MRPL50: variants seen among roughly 807,000 people sequenced by gnomAD.
The protein encoded by MRPL50 is mitochondrial ribosomal protein L50, also known as large ribosomal subunit protein mL50.
MRPL50 carries 10 observed loss-of-function variants against 16.2 expected under a neutral mutation model. That is an observed-to-expected ratio of 0.62 (90% CI 0.38 to 1.05). The LOEUF is 1.05. Ranked by LOEUF, MRPL50 falls within the 50% of genes least tolerant of loss-of-function variation. The pLI is 0.01. For synonymous variants in MRPL50, 68 were observed against 66.8 expected (o/e 1.02, Z -0.09); for missense variants, 213 against 187.1 (o/e 1.14, Z -0.81).
At position 101,387,658 on chromosome 9, in the gene MRPL50, G is replaced by A. The variant is rs935128456; in HGVS notation, c.*2808C>T. 2.0e-5 allele frequency: 3 copies of A among 151,920 alleles called. No individual in the cohort carries two copies. The highest frequency in any genetic ancestry group is 6.6e-5 in the Admixed American group (1 of 15,232). The allele number at this position is 151,920 out of a possible 1,614,324, so 9.4% of individuals were successfully genotyped here. A position where few individuals can be genotyped will look rare whatever the true frequency, so the allele number is the denominator to read the frequency against. Reference sequence around the variant, plus strand: ...GAAAGGAGGGAGGAGTTTATTTTATGCAGTTTAAAACATATATTACATATG... The same window carrying A: ...GAAAGGAGGGAGGAGTTTATTTTATACAGTTTAAAACATATATTACATATG... On this transcript the variant is annotated 3_prime_UTR_variant, in exon 2 of 2. Transcript: ENST00000374865.
chr9:101,398,420 C>A lies in MRPL50; in HGVS notation c.92+81G>T. On this transcript the variant is annotated intron_variant, in intron 1 of 1. Transcript: ENST00000374865. Reference sequence around the variant, plus strand: ...CTGATCAGGCGCGGGACCACGATGGCGTAACACTCTATTTTGAATTCGTCC... The same window carrying A: ...CTGATCAGGCGCGGGACCACGATGGAGTAACACTCTATTTTGAATTCGTCC... 7 of 1,343,366 alleles carry A rather than the reference C, an allele frequency of 5.2e-6. No homozygotes were observed. In the South Asian group the frequency reaches 7.2e-5, roughly 14 times the overall value. 83.2% of individuals were successfully genotyped at this position (1,343,366 alleles called of 1,614,324 possible).
In MRPL50 at chr9:101,389,728, C is replaced by T. The variant is rs1262046767; in HGVS notation, c.*738G>A. ...CATTAAAGCACAAAGACTTGCCACT[C>T]TAGTGAATACTCAGCACCACTTTTT... On this transcript the variant is annotated 3_prime_UTR_variant, in exon 2 of 2. Coordinates refer to ENST00000374865, the MANE Select transcript of MRPL50 (RefSeq NM_019051.3). 1 of 254,510 alleles carries T rather than the reference C, an allele frequency of 3.9e-6. No individual in the cohort carries two copies. The highest frequency in any genetic ancestry group is 7.6e-6 in the Non-Finnish European group (1 of 132,066). The allele number at this position is 254,510 out of a possible 1,614,324, so 15.8% of individuals were successfully genotyped here.
At position 101,388,422 on chromosome 9, in the gene MRPL50, T is replaced by A. The variant is rs1830228162; in HGVS notation, c.*2044A>T. ...GTCTCTGGATCAGAAGGAAAAATTG[T>A]ATAGAAAATGAGATAATGAAATCCT... On this transcript the variant is annotated 3_prime_UTR_variant, in exon 2 of 2. Coordinates refer to ENST00000374865, the MANE Select transcript of MRPL50 (RefSeq NM_019051.3). 6.6e-6 allele frequency: 1 copy of A among 152,082 alleles called. No homozygotes were observed. Among genetic ancestry groups the A allele is most frequent in the South Asian group, 2.1e-4 (1 of 4,824 alleles). The allele number at this position is 152,082 out of a possible 1,614,324, so 9.4% of individuals were successfully genotyped here.
intron 1 of MRPL50, among the ~76,000 whole-genome samples, chr9:101,398,144 A>G (rs538267479): frequency 3.3e-5 from 5 of 152,352 alleles, no homozygotes; most frequent in African/African-American, 9.6e-5. Context: ...CTTGTGAAGA[A>G]ACACAGCCGG....
chr9:101,392,243 AC>A (rs1264317644), intron 1 of MRPL50, among the ~76,000 whole-genome samples: 1 of 152,034 alleles, frequency 6.6e-6, no homozygotes. Context: ...CTAAAGATGT[AC>A]CTTAAATTAG....
chr9:101,395,086 C>CA (rs1168165530), intron 1 of MRPL50, among the ~76,000 whole-genome samples: 5 of 151,514 alleles, frequency 3.3e-5, no homozygotes, highest in East Asian at 3.9e-4. Context: ...GTAACAACAA[C>CA]AAAAAAAACC....
chr9:101,396,788 A>C (rs1830347034), intron 1 of MRPL50, among the ~76,000 whole-genome samples: 1 of 152,058 alleles, frequency 6.6e-6, no homozygotes, highest in Non-Finnish European at 1.5e-5. Context: ...CTAAAAATAA[A>C]AAAATTAGCC....
At chr9:101,393,944 T>C (rs1588149261) in intron 1 of MRPL50, among the ~76,000 whole-genome samples, 3 of 137,372 alleles carry the variant, frequency 2.2e-5, no homozygotes, top group South Asian at 2.3e-4. Context: ...ATCCTAAAAT[T>C]CGTATGAAAC....
At position 101,398,416 on chromosome 9, in the gene MRPL50, A is replaced by G. The variant is rs1470665542; in HGVS notation, c.92+85T>C. ...TGCTCTGATCAGGCGCGGGACCACGATGGCGTAACACTCTATTTTGAATTC... is the reference window on the plus strand; with the variant it reads ...TGCTCTGATCAGGCGCGGGACCACGGTGGCGTAACACTCTATTTTGAATTC... On this transcript the variant is annotated intron_variant, in intron 1 of 1. Coordinates refer to ENST00000374865, the MANE Select transcript of MRPL50 (RefSeq NM_019051.3). 3.8e-6 allele frequency: 5 copies of G among 1,319,382 alleles called. No homozygotes were observed. The Admixed American group carries it at 8.6e-5, about 23-fold the overall frequency. The allele number at this position is 1,319,382 out of a possible 1,614,324, so 81.7% of individuals were successfully genotyped here.
At chr9:101,391,591 G>A (rs952477913) in intron 1 of MRPL50, among the ~76,000 whole-genome samples, 3 of 151,888 alleles carry the variant, frequency 2.0e-5, no homozygotes, top group African/African-American at 7.3e-5. Flanking sequence ...AGATAAAGAA[G>A]GTCATTACAT....
At position 101,387,875 on chromosome 9, in the gene MRPL50, G is replaced by A. The variant is rs1016062355; in HGVS notation, c.*2591C>T. The A allele has an allele frequency of 3.3e-5, 5 of 151,996 alleles. No individual in the cohort carries two copies. Among genetic ancestry groups the A allele is most frequent in the African/African-American group, 1.2e-4 (5 of 41,386 alleles). 9.4% of individuals were successfully genotyped at this position (151,996 alleles called of 1,614,324 possible). ...TATGTCTGATTATCTCATTAAACAA[G>A]TTAGCAAGCCTAATTTAATCTTTCA... On this transcript the variant is annotated 3_prime_UTR_variant, in exon 2 of 2. Transcript: ENST00000374865.
chr9:101,398,380 CTCCTTG>C, intron 1 of MRPL50, 115 bp downstream of exon 1: 1 of 876,468 alleles, frequency 1.1e-6, no homozygotes, highest in Non-Finnish European at 1.8e-6. Flanking sequence ...CTAACCGGAC[CTCCTTG>C]TCCTTGCTCT....
At chr9:101,393,338 T>C (rs1830298208) in intron 1 of MRPL50, among the ~76,000 whole-genome samples, 1 of 152,176 alleles carries the variant, frequency 6.6e-6, no homozygotes, top group Middle Eastern at 3.4e-3. Context: ...CTTTCATCAC[T>C]TGTATTCAAC....
chr9:101,390,818 A>G lies in MRPL50; in HGVS notation c.125T>C (p.Val42Ala). 5 of 1,607,518 alleles carry G rather than the reference A, an allele frequency of 3.1e-6. No homozygotes were observed. The highest frequency in any genetic ancestry group is 1.3e-5 in the African/African-American group (1 of 74,388). The change falls in exon 2 of 2, where the codon GTA (valine) becomes GCA (alanine). Residue 42 changes from valine to alanine, a missense_variant. Coordinates refer to ENST00000374865, the MANE Select transcript of MRPL50 (RefSeq NM_019051.3). The part of the protein sequence containing the change: ...KEKEPVVVET[V>A]EEKKEPILVC... ...TAGGATAGGTTCCTTTTTCTCTTCT[A>G]CTGTCTCAACAACCACTGGCTCTTT...
At chr9:101,392,563 C>T (rs143577292) in intron 1 of MRPL50, among the ~76,000 whole-genome samples, 31 of 151,992 alleles carry the variant, frequency 2.0e-4, no homozygotes, top group African/African-American at 5.8e-4. Flanking sequence ...TTCCTAGACA[C>T]GGACAACTTA....
rs192108143 is a variant in MRPL50 at position 101,398,585 on chromosome 9, G to T, written c.8C>A (p.Ala3Glu). 5 of 1,613,604 alleles carry T rather than the reference G, an allele frequency of 3.1e-6. No homozygotes were observed. In the South Asian group the frequency reaches 3.3e-5, roughly 11 times the overall value. The change falls in exon 1 of 2, where the codon GCG becomes GAG. Residue 3 changes from alanine to glutamate, a missense_variant. Transcript: ENST00000374865. The stretch of plus-strand genomic sequence containing the variant: ...TCTGGTAATGCCCGACACAGATCGC[G>T]CCGCCATCTTCGATGAGATCCACGG... MA[A>E]RSVSGITRRV...
rs752139652 is a variant in MRPL50, at chr9:101,398,574, A to G, written c.19T>C (p.Ser7Pro). 53 of 1,613,748 alleles carry G rather than the reference A, an allele frequency of 3.3e-5. No individual in the cohort carries two copies. The highest frequency in any genetic ancestry group is 4.5e-5 in the Non-Finnish European group (53 of 1,180,038). MAARSV[S>P]GITRRVFMWT... is the part of the protein sequence containing the mutation. ...ATGAAGACTCTTCTGGTAATGCCCG[A>G]CACAGATCGCGCCGCCATCTTCGAT... The change falls in exon 1 of 2, where the codon TCG becomes CCG. Residue 7 changes from serine (S) to proline (P), a missense_variant. Coordinates refer to ENST00000374865, the MANE Select transcript of MRPL50 (RefSeq NM_019051.3).
chr9:101,388,231 C>T lies in MRPL50; in HGVS notation c.*2235G>A, dbSNP rs954536226. The T allele has an allele frequency of 2.0e-5, 3 of 152,074 alleles. No homozygotes were observed. The highest frequency in any genetic ancestry group is 4.4e-5 in the Non-Finnish European group (3 of 67,980). 9.4% of individuals were successfully genotyped at this position (152,074 alleles called of 1,614,324 possible). A position where few individuals can be genotyped will look rare whatever the true frequency, so the allele number is the denominator to read the frequency against. On this transcript the variant is annotated 3_prime_UTR_variant, in exon 2 of 2. Transcript: ENST00000374865. The stretch of plus-strand genomic sequence containing the variant: ...AAAAGATCCCCAAATGATTAACATG[C>T]GCATTAAATTTTGAGAATATTGCTC...
In MRPL50 at chr9:101,389,681, A is replaced by G. The variant is rs1251231197; in HGVS notation, c.*785T>C. On this transcript the variant is annotated 3_prime_UTR_variant, in exon 2 of 2. Coordinates refer to ENST00000374865, the MANE Select transcript of MRPL50 (RefSeq NM_019051.3). ...GAACCATCTGATAACCTGCTATTTAAGTAATTTCCACAAATTGAGTGCATT... is the reference window on the plus strand; with the variant it reads ...GAACCATCTGATAACCTGCTATTTAGGTAATTTCCACAAATTGAGTGCATT... The G allele has an allele frequency of 6.7e-6, 2 of 300,678 alleles. No homozygotes were observed. Among genetic ancestry groups the G allele is most frequent in the Non-Finnish European group, 1.2e-5 (2 of 162,164 alleles). 18.6% of individuals were successfully genotyped at this position (300,678 alleles called of 1,614,324 possible).
Sources: allele counts gnomAD v4.1 joint callset (sites outside exome capture counted in the v4.1 genomes callset), GRCh38; gene constraint gnomAD v4.1.1; transcripts MANE v1.5; gene names NCBI Gene and HGNC (gene_info 2026-07-23, HGNC 2026-07-21).